Variants in ST6GALNAC2 observed in about 807,000 individuals in gnomAD.
ST6GALNAC2 encodes the protein alpha-N-acetylgalactosaminide alpha-2,6-sialyltransferase 2.
Under a neutral mutation model 38.7 loss-of-function variants are expected in ST6GALNAC2, and 42 were observed. The ratio of observed to expected loss-of-function variants is 1.09; its 90% CI spans 0.85 to 1.40. The LOEUF (loss-of-function observed/expected upper bound fraction) is 1.40, where lower values mean the gene tolerates loss of function less well. ST6GALNAC2 is among the 40% of genes most tolerant of loss of function. ST6GALNAC2 has a pLI of 0.00. For synonymous variants in ST6GALNAC2, 233 were observed against 209.0 expected (o/e 1.11, Z -0.99); for missense variants, 506 against 481.7 (o/e 1.05, Z -0.47).
chr17:76,573,159 T>TACCAACCC lies in ST6GALNAC2; in HGVS notation c.530+35_530+36insGGGTTGGT. ...GACACCCCCACCCTCCAGGCAACTC[T>TACCAACCC]CCCTCCCGCCCCTCCCCAGCTCCTA... On this transcript the variant is annotated intron_variant, in intron 4 of 8. Transcript: ENST00000225276. The surrounding 1 kb of genome is among the most constrained non-coding windows in gnomAD (Gnocchi z 5.1). 2.0e-6 allele frequency: 3 copies of TACCAACCC among 1,530,318 alleles called. No homozygotes were observed. The highest frequency in any genetic ancestry group is 2.7e-6 in the Non-Finnish European group (3 of 1,120,826). The allele number at this position is 1,530,318 out of a possible 1,614,324, so 94.8% of individuals were successfully genotyped here.
Position 76,573,495 on chromosome 17 carries a change from T to C in ST6GALNAC2, c.362-132A>G, listed in dbSNP as rs2075378437. The C allele has an allele frequency of 1.2e-6, 1 of 868,852 alleles. No individual in the cohort carries two copies. Among genetic ancestry groups the C allele is most frequent in the Admixed American group, 3.5e-5 (1 of 28,222 alleles). 53.8% of individuals were successfully genotyped at this position (868,852 alleles called of 1,614,324 possible). A position where few individuals can be genotyped will look rare whatever the true frequency, so the allele number is the denominator to read the frequency against. On this transcript the variant is annotated intron_variant, in intron 3 of 8. Transcript: ENST00000225276. The surrounding 1 kb of genome is among the most constrained non-coding windows in gnomAD (Gnocchi z 5.1). ...AGCCCCTCCCAAGAAGCACAGAGGG[T>C]GGGAGGGGAAGGAGATGTCTGTGGG... is the stretch of plus-strand genomic sequence containing the variant.
At chr17:76,566,596 G>A (rs912009204) in intron 8 of ST6GALNAC2, among the ~76,000 whole-genome samples, 3 of 152,012 alleles carry the variant, frequency 2.0e-5, no homozygotes, top group East Asian at 1.9e-4. Flanking sequence ...GGTGGCTCAC[G>A]CCTGTAATCC....
At chr17:76,568,178 T>C (rs148863354) in intron 7 of ST6GALNAC2, 81 of 161,976 alleles carry the variant, frequency 5.0e-4, no homozygotes, top group African/African-American at 1.9e-3. Context: ...CTGTTGACAC[T>C]TGGGGCCAGG....
chr17:76,580,191 T>C (rs1255823194), intron 1 of ST6GALNAC2, among the ~76,000 whole-genome samples: 1 of 151,880 alleles, frequency 6.6e-6, no homozygotes, highest in Non-Finnish European at 1.5e-5. Flanking sequence ...GAGACCGAGG[T>C]GGGTGGATCA....
chr17:76,572,747 C>G lies in ST6GALNAC2; in HGVS notation c.559G>C (p.Glu187Gln). 4 of 1,614,178 alleles carry G rather than the reference C, an allele frequency of 2.5e-6. No individual in the cohort carries two copies. The highest frequency in any genetic ancestry group is 3.4e-6 in the Non-Finnish European group (4 of 1,180,022). Residue 187 changes from glutamate to glutamine, a missense_variant, in exon 5 of 9, where the codon GAG (glutamate) becomes CAG (glutamine). Glu to Gln is a conservative substitution (Grantham distance 29). Coordinates refer to ENST00000225276, the MANE Select transcript of ST6GALNAC2 (RefSeq NM_006456.3). Reference sequence around the variant, plus strand: ...GAAGTCTTGGTGCCCACATCGCGCTCGAAGCCTTTGATCACAGCTCCATTG... The same window carrying G: ...GAAGTCTTGGTGCCCACATCGCGCTGGAAGCCTTTGATCACAGCTCCATTG... ...RLNGAVIKGF[E>Q]RDVGTKTSFY...
chr17:76,568,425 G>GGT, intron 7 of ST6GALNAC2: 1 of 399,142 alleles, frequency 2.5e-6, no homozygotes, highest in Non-Finnish European at 4.6e-6. Context: ...CTGCTGCTGT[G>GGT]CACCTTATGG....
Position 76,573,261 on chromosome 17 carries a change from C to T in ST6GALNAC2, c.464G>A (p.Gly155Asp), listed in dbSNP as rs749059341. Residue 155 changes from glycine (G) to aspartate (D), a missense_variant, in exon 4 of 9, where the codon GGC becomes GAC. Coordinates refer to ENST00000225276, the MANE Select transcript of ST6GALNAC2 (RefSeq NM_006456.3). This position sits in a 1 kb window ranked among gnomAD's most constrained non-coding sequence, Gnocchi z 5.1. ...GGACCCATTCAGAATGCCTCCGTTG[C>T]CCACCACGGCACACCGGATACACTT... is the stretch of plus-strand genomic sequence containing the variant. The part of the protein sequence containing the change: ...PPKCIRCAVV[G>D]NGGILNGSRQ... 6.2e-7 allele frequency: 1 copy of T among 1,612,646 alleles called. No individual in the cohort carries two copies. The highest frequency in any genetic ancestry group is 1.1e-5 in the South Asian group (1 of 90,752).
At chr17:76,570,879 C>T in intron 5 of ST6GALNAC2, 1 of 552,678 alleles carries the variant, frequency 1.8e-6, no homozygotes, top group Non-Finnish European at 3.3e-6. Context: ...AATTGCCATC[C>T]CCTGGAGTAT....
chr17:76,582,324 C>T (rs984078802), intron 1 of ST6GALNAC2, among the ~76,000 whole-genome samples: 1 of 142,438 alleles, frequency 7.0e-6, no homozygotes, highest in Non-Finnish European at 1.5e-5. Flanking sequence ...AGGCATGTGT[C>T]ACCATGCCTG....
chr17:76,577,088 C>T (rs112407971), intron 2 of ST6GALNAC2, among the ~76,000 whole-genome samples: 6,406 of 118,460 alleles, frequency 0.054, 230 homozygotes, highest in Admixed American at 0.077. Context: ...TTTTTTGAGA[C>T]GGAGTTTCGC....
At chr17:76,574,261 C>G in intron 3 of ST6GALNAC2, 104 bp downstream of exon 3, 1 of 1,340,214 alleles carries the variant, frequency 7.5e-7, no homozygotes, top group Non-Finnish European at 1.0e-6. Flanking sequence ...ACAGGGAGAC[C>G]TGGCATCACC....
chr17:76,567,807 A>G (rs2075303707), intron 7 of ST6GALNAC2: 1 of 433,052 alleles, frequency 2.3e-6, no homozygotes, highest in Admixed American at 3.6e-5. Context: ...CTACTAAGTA[A>G]CCACACTGCC....
chr17:76,574,911 C>T (rs1598254744), intron 2 of ST6GALNAC2, among the ~76,000 whole-genome samples: 1 of 152,006 alleles, frequency 6.6e-6, no homozygotes, highest in African/African-American at 2.4e-5. Flanking sequence ...CTCCTGACCT[C>T]GTGATCCACC....
At position 76,573,078 on chromosome 17, in the gene ST6GALNAC2, T is replaced by C; in HGVS notation, c.530+117A>G. ...TGCCTTGTCCATGCCCGTGTGCTGGTCACAACTGCTGAGCCGCCCAGGCCA... is the reference window on the plus strand; with the variant it reads ...TGCCTTGTCCATGCCCGTGTGCTGGCCACAACTGCTGAGCCGCCCAGGCCA... On this transcript the variant is annotated intron_variant, in intron 4 of 8. Coordinates refer to ENST00000225276, the MANE Select transcript of ST6GALNAC2 (RefSeq NM_006456.3). The surrounding 1 kb of genome is among the most constrained non-coding windows in gnomAD (Gnocchi z 5.1). 8.6e-7 allele frequency: 1 copy of C among 1,166,918 alleles called. No homozygotes were observed. The highest frequency in any genetic ancestry group is 1.2e-6 in the Non-Finnish European group (1 of 839,216). 72.3% of individuals were successfully genotyped at this position (1,166,918 alleles called of 1,614,324 possible).
Position 76,580,589 on chromosome 17 carries a change from A to AGGCTGAGGCCCAGGCTACTCG in ST6GALNAC2, c.126-1774_126-1773insCGAGTAGCCTGGGCCTCAGCC, listed in dbSNP as rs1567934471. Among the ~76,000 whole-genome samples, 140 of 151,266 alleles carry AGGCTGAGGCCCAGGCTACTCG rather than the reference A, an allele frequency of 9.3e-4. 3 individuals are homozygous for AGGCTGAGGCCCAGGCTACTCG. The East Asian group carries it at 0.025, about 27-fold the overall frequency. On this transcript the variant is annotated intron_variant, in intron 1 of 8. Transcript: ENST00000225276. ...CGGGTGCCTGTAGTCTCAGCTACTT[A>AGGCTGAGGCCCAGGCTACTCG]GGAGGCTGAGGCCCAGGCTACTCGG... is the stretch of plus-strand genomic sequence containing the variant.
At chr17:76,567,431 T>C in intron 8 of ST6GALNAC2, 22 bp downstream of exon 8, 1 of 1,570,300 alleles carries the variant, frequency 6.4e-7, no homozygotes, top group Non-Finnish European at 8.8e-7. Flanking sequence ...GGCATGGGCT[T>C]CTGGAAGAGA....
In ST6GALNAC2 at chr17:76,573,156, C is replaced by A. The variant is rs748394375; in HGVS notation, c.530+39G>T. On this transcript the variant is annotated intron_variant, in intron 4 of 8. Transcript: ENST00000225276. The surrounding 1 kb of genome is among the most constrained non-coding windows in gnomAD (Gnocchi z 5.1). ...GGAGACACCCCCACCCTCCAGGCAA[C>A]TCTCCCTCCCGCCCCTCCCCAGCTC... is the stretch of plus-strand genomic sequence containing the variant. The A allele has an allele frequency of 2.6e-6, 4 of 1,540,990 alleles. No individual in the cohort carries two copies. Among genetic ancestry groups the A allele is most frequent in the Admixed American group, 1.8e-5 (1 of 55,372 alleles).
chr17:76,582,371 G>A (rs1302923143), intron 1 of ST6GALNAC2, among the ~76,000 whole-genome samples: 35 of 133,158 alleles, frequency 2.6e-4, no homozygotes, highest in Non-Finnish European at 5.1e-4. Context: ...TAGTAGAAAC[G>A]GGGTTTTGCC....
At chr17:76,570,791 C>T in intron 5 of ST6GALNAC2, 123 bp from the exon 6 acceptor site, 1 of 709,386 alleles carries the variant, frequency 1.4e-6, no homozygotes, top group Non-Finnish European at 2.5e-6. Context: ...AAATACCTTT[C>T]ATTCCCACCC....
Sources: gnomAD v4.1 joint callset for allele counts (sites outside exome capture counted in the v4.1 genomes callset) on GRCh38, gnomAD v4.1.1 for gene constraint, Gnocchi (gnomAD v3.1) non-coding constraint, MANE v1.5 for transcripts, NCBI Gene and HGNC (gene_info 2026-07-23, HGNC 2026-07-21) for gene names.